The following CACHD1 variants were observed in gnomAD, a reference collection of about 807,000 sequenced individuals.
CACHD1 encodes cache domain containing 1, also known as VWFA and cache domain-containing protein 1.
CACHD1 carries 71 observed loss-of-function variants against 138.7 expected under a neutral mutation model. The ratio of observed to expected loss-of-function variants is 0.51; its 90% CI spans 0.42 to 0.62. The LOEUF (loss-of-function observed/expected upper bound fraction) is 0.62, where lower values mean the gene tolerates loss of function less well. CACHD1 is among the 20% of genes least tolerant of loss of function. CACHD1 has a pLI of 0.00. For synonymous variants in CACHD1, 578 were observed against 591.5 expected (o/e 0.98, Z 0.33); for missense variants, 1,389 against 1,625.3 (o/e 0.85, Z 2.50).
At chr1:64,517,367 A>C (rs1448688394) in intron 1 of CACHD1, among the ~76,000 whole-genome samples, 1 of 152,214 alleles carries the variant, frequency 6.6e-6, no homozygotes, top group African/African-American at 2.4e-5. Flanking sequence ...TGGGAAATAA[A>C]TGATATCATA....
intron 2 of CACHD1, among the ~76,000 whole-genome samples, chr1:64,554,545 G>A (rs980726013): frequency 2.0e-5 from 3 of 152,108 alleles, no homozygotes; most frequent in African/African-American, 7.2e-5. Flanking sequence ...TTAATCCTTT[G>A]CCAAATGTGG....
Position 64,664,348 on chromosome 1 carries a change from T to C in CACHD1, c.2095-150T>C, listed in dbSNP as rs1031070644. On this transcript the variant is annotated intron_variant, in intron 14 of 26. Coordinates refer to ENST00000651257, the MANE Select transcript of CACHD1 (RefSeq NM_020925.4). ...TCTGCAAGCTTTTATTTTCACCAAG[T>C]TTGGTTGCATCCATCTGCTGTGGAA... 6 of 662,376 alleles carry C rather than the reference T, an allele frequency of 9.1e-6. No homozygotes were observed. In the Admixed American group the frequency reaches 1.8e-4, roughly 19 times the overall value. 41.0% of individuals were successfully genotyped at this position (662,376 alleles called of 1,614,324 possible). A position where few individuals can be genotyped will look rare whatever the true frequency, so the allele number is the denominator to read the frequency against.
chr1:64,654,564 T>G (rs1649201890), intron 11 of CACHD1, 122 bp from the exon 12 acceptor site: 32 of 691,906 alleles, frequency 4.6e-5, no homozygotes, highest in Non-Finnish European at 6.1e-5. Context: ...TCAAAACTGA[T>G]GAGCTTCTTT....
At chr1:64,603,189 C>G (rs1647247634) in intron 4 of CACHD1, among the ~76,000 whole-genome samples, 1 of 149,506 alleles carries the variant, frequency 6.7e-6, no homozygotes, top group Non-Finnish European at 1.5e-5. Context: ...ACTGCAAGCT[C>G]CGCCTCCCGG....
intron 1 of CACHD1, among the ~76,000 whole-genome samples, chr1:64,531,931 A>G (rs1646590506): frequency 6.6e-6 from 1 of 152,256 alleles, no homozygotes. Context: ...ATGGCAAGCC[A>G]CTATATACTG....
intron 3 of CACHD1, among the ~76,000 whole-genome samples, chr1:64,595,303 A>G (rs1647140840): frequency 6.6e-6 from 1 of 152,154 alleles, no homozygotes; most frequent in African/African-American, 2.4e-5. Flanking sequence ...TTCTGTGTGT[A>G]TTTATCCAGC....
chr1:64,549,725 C>A (rs1461630636), intron 1 of CACHD1, among the ~76,000 whole-genome samples: 1 of 151,910 alleles, frequency 6.6e-6, no homozygotes, highest in Non-Finnish European at 1.5e-5. Context: ...GGTCTGACTC[C>A]TTACTCATCT....
At position 64,691,408 on chromosome 1, in the gene CACHD1, C is replaced by A. The variant is rs1259309862; in HGVS notation, c.3672C>A (p.Asn1224Lys). 6.8e-6 allele frequency: 11 copies of A among 1,614,004 alleles called. No homozygotes were observed. The highest frequency in any genetic ancestry group is 9.3e-6 in the Non-Finnish European group (11 of 1,180,048). ...DPLSAGVDVG[N>K]HDEDLDLDTP... ...TGTCAGCCGGGGTCGATGTGGGAAA[C>A]CATGATGAGGACTTAGACCTGGATA... Residue 1224 changes from asparagine to lysine, a missense_variant, in exon 27 of 27, where the codon AAC (asparagine) becomes AAA (lysine). Physicochemically the swap from Asn to Lys is moderately conservative, Grantham distance 94 (BLOSUM62 0). This residue lies in a region of CACHD1 where 78 missense variants were observed against 76.9 expected (regional missense o/e 1.01). Coordinates refer to ENST00000651257, the MANE Select transcript of CACHD1 (RefSeq NM_020925.4).
At chr1:64,555,775 G>A (rs879618398) in intron 2 of CACHD1, among the ~76,000 whole-genome samples, 1 of 152,130 alleles carries the variant, frequency 6.6e-6, no homozygotes, top group South Asian at 2.1e-4. Context: ...TGTGAAGTAG[G>A]TATCCAATTT....
chr1:64,652,418 A>AATC, intron 10 of CACHD1, 108 bp downstream of exon 10: 1 of 997,278 alleles, frequency 1.0e-6, no homozygotes, highest in Non-Finnish European at 1.4e-6. Flanking sequence ...AAAGAAGAGC[A>AATC]TTGTGACTAA....
chr1:64,664,250 G>A lies in CACHD1; in HGVS notation c.2095-248G>A, dbSNP rs138879368. 2.3e-4 allele frequency: 126 copies of A among 550,290 alleles called. 1 individual carries two copies. The highest frequency in any genetic ancestry group is 1.5e-3 in the African/African-American group (78 of 53,292). The allele number at this position is 550,290 out of a possible 1,614,324, so 34.1% of individuals were successfully genotyped here. A position where few individuals can be genotyped will look rare whatever the true frequency, so the allele number is the denominator to read the frequency against. On this transcript the variant is annotated intron_variant, in intron 14 of 26. Transcript: ENST00000651257. ...TGTGTATATTAATGACTCGCTATAG[G>A]ATTTTTCTTCTTAAACTCAGAAAGC...
intron 1 of CACHD1, among the ~76,000 whole-genome samples, chr1:64,484,436 G>C (rs997602295): frequency 6.6e-6 from 1 of 152,028 alleles, no homozygotes; most frequent in African/African-American, 2.4e-5. Flanking sequence ...CAAGCAGAAG[G>C]GTGATGTGAA....
intron 1 of CACHD1, among the ~76,000 whole-genome samples, chr1:64,543,576 AAAT>A (rs1407849120): frequency 2.6e-5 from 4 of 151,538 alleles, no homozygotes; most frequent in Non-Finnish European, 5.9e-5. Context: ...ACTGTCTCTA[AAAT>A]AATAATTTTA....
intron 26 of CACHD1, among the ~76,000 whole-genome samples, chr1:64,683,298 T>C (rs1650250187): frequency 6.6e-6 from 1 of 152,232 alleles, no homozygotes; most frequent in Non-Finnish European, 1.5e-5. Context: ...TTTCTTTGAC[T>C]TTTTTGCTTT....
At chr1:64,536,521 T>C (rs1646634043) in intron 1 of CACHD1, among the ~76,000 whole-genome samples, 1 of 152,196 alleles carries the variant, frequency 6.6e-6, no homozygotes, top group Admixed American at 6.5e-5. Flanking sequence ...TAGTTCGGTG[T>C]GCAGTACAGC....
intron 1 of CACHD1, among the ~76,000 whole-genome samples, chr1:64,477,584 GATTATTATT>G (rs10701038): frequency 0.021 from 2,836 of 136,104 alleles, 58 homozygotes; most frequent in East Asian, 0.064. Context: ...CTTCCCCCCA[GATTATTATT>G]ATTATTATTA....
intron 4 of CACHD1, among the ~76,000 whole-genome samples, chr1:64,606,977 G>A (rs1364352928): frequency 4.6e-5 from 7 of 152,174 alleles, no homozygotes; most frequent in Admixed American, 1.3e-4. Context: ...TAAAAGTTAC[G>A]TTTGAGATGC....
chr1:64,678,401 A>T (rs1175552395), intron 23 of CACHD1, 91 bp downstream of exon 23: 29 of 1,273,892 alleles, frequency 2.3e-5, no homozygotes, highest in Non-Finnish European at 2.9e-5. Flanking sequence ...CCTCTTCCCA[A>T]CTTCCCTGAT....
intron 22 of CACHD1, among the ~76,000 whole-genome samples, 191 bp from the exon 23 acceptor site, chr1:64,677,968 G>A (rs1650050123): frequency 6.6e-6 from 1 of 152,046 alleles, no homozygotes; most frequent in Admixed American, 6.5e-5. Flanking sequence ...AAGTTGTTAA[G>A]AGGCATAAAA....
Sources: allele counts gnomAD v4.1 joint callset (sites outside exome capture counted in the v4.1 genomes callset), GRCh38; gene constraint gnomAD v4.1.1; regional missense constraint gnomAD v4.1.1; transcripts MANE v1.5; gene names NCBI Gene and HGNC (gene_info 2026-07-23, HGNC 2026-07-21).